The following SLC25A21 variants were observed in gnomAD, a reference collection of about 807,000 sequenced individuals.
SLC25A21 encodes the protein mitochondrial 2-oxodicarboxylate carrier.
A neutral mutation model predicts 43.8 loss-of-function variants in SLC25A21; 47 were observed. The observed-to-expected ratio is 1.07, with a 90% CI of 0.85 to 1.37. SLC25A21 has a LOEUF of 1.37. SLC25A21 is among the 40% of genes most tolerant of loss of function. The pLI is 0.00. For missense variants in SLC25A21, 352 were observed against 350.2 expected, an observed-to-expected ratio of 1.00 and a Z score of -0.04; for synonymous variants, 131 against 121.3, an observed-to-expected ratio of 1.08 and a Z score of -0.52.
intron 1 of SLC25A21, among the ~76,000 whole-genome samples, chr14:36,944,217 C>T (rs1214107615): frequency 6.6e-6 from 1 of 152,098 alleles, no homozygotes; most frequent in Non-Finnish European, 1.5e-5. Flanking sequence ...GGACCCTAGC[C>T]CAGCATACTG....
intron 7 of SLC25A21, among the ~76,000 whole-genome samples, chr14:36,705,376 G>T (rs1223236590): frequency 6.6e-6 from 1 of 151,978 alleles, no homozygotes; most frequent in African/African-American, 2.4e-5. Flanking sequence ...TTTTACGTCC[G>T]CAAACATAGC....
At chr14:36,996,575 T>C (rs1594744082) in intron 1 of SLC25A21, among the ~76,000 whole-genome samples, 1 of 152,304 alleles carries the variant, frequency 6.6e-6, no homozygotes, top group African/African-American at 2.4e-5. Context: ...ATTCTGTTTG[T>C]TCTTGATACT....
chr14:37,082,146 G>GAAAAC (rs1962400596), intron 1 of SLC25A21, among the ~76,000 whole-genome samples: 2 of 152,122 alleles, frequency 1.3e-5, no homozygotes, highest in Non-Finnish European at 2.9e-5. Context: ...AAAACCAAAT[G>GAAAAC]CAGCATGTTC....
chr14:36,732,301 T>C (rs1213606718), intron 4 of SLC25A21, among the ~76,000 whole-genome samples: 2 of 152,038 alleles, frequency 1.3e-5, no homozygotes, highest in Non-Finnish European at 2.9e-5. Flanking sequence ...TTATAATCTC[T>C]TGTGAATTTA....
At chr14:37,025,202 G>A (rs1484047622) in intron 1 of SLC25A21, among the ~76,000 whole-genome samples, 1 of 152,146 alleles carries the variant, frequency 6.6e-6, no homozygotes, top group Non-Finnish European at 1.5e-5. Context: ...AGCTTCGCCA[G>A]TTATGCATTT....
chr14:36,715,089 T>C (rs1294588560), intron 6 of SLC25A21, among the ~76,000 whole-genome samples: 1 of 152,230 alleles, frequency 6.6e-6, no homozygotes, highest in African/African-American at 2.4e-5. Context: ...CACTCATTCT[T>C]ATTGTACATA....
At chr14:36,708,603 A>G (rs1191370050) in intron 7 of SLC25A21, among the ~76,000 whole-genome samples, 1 of 152,148 alleles carries the variant, frequency 6.6e-6, no homozygotes, top group Non-Finnish European at 1.5e-5. Flanking sequence ...GCACCTGGCT[A>G]ATTTTTAAAA....
intron 1 of SLC25A21, among the ~76,000 whole-genome samples, chr14:37,134,656 A>C (rs1774035372): frequency 6.6e-6 from 1 of 151,722 alleles, no homozygotes; most frequent in African/African-American, 2.4e-5. Context: ...TCTAAAAAAA[A>C]AAAAAAAGAA....
chr14:36,891,635 CCT>C (rs1439089227), intron 1 of SLC25A21, among the ~76,000 whole-genome samples: 2 of 152,000 alleles, frequency 1.3e-5, no homozygotes, highest in East Asian at 1.9e-4. Context: ...AAATCTATTC[CCT>C]CTTTTTTTTC....
intron 2 of SLC25A21, among the ~76,000 whole-genome samples, chr14:36,872,597 A>G (rs1015883165): frequency 5.3e-5 from 8 of 152,132 alleles, no homozygotes; most frequent in African/African-American, 1.9e-4. Context: ...AGTTTACTCT[A>G]TGATTGTGAA....
intron 3 of SLC25A21, among the ~76,000 whole-genome samples, chr14:36,765,213 C>A (rs922945877): frequency 6.6e-6 from 1 of 152,190 alleles, no homozygotes; most frequent in African/African-American, 2.4e-5. Context: ...GAAGCCCAGG[C>A]TGCATGAAGA....
chr14:36,814,816 C>T (rs189999801), intron 2 of SLC25A21, among the ~76,000 whole-genome samples: 12 of 152,142 alleles, frequency 7.9e-5, no homozygotes, highest in Admixed American at 3.3e-4. Context: ...ATCCCATTAC[C>T]GGGTATATAC....
chr14:36,691,650 T>G (rs1882799114), intron 7 of SLC25A21, among the ~76,000 whole-genome samples: 3 of 152,146 alleles, frequency 2.0e-5, no homozygotes, highest in Admixed American at 2.0e-4. Context: ...AGCCAGGAGT[T>G]TGAGACCAGC....
chr14:36,858,815 T>C (rs1030031940), intron 2 of SLC25A21, among the ~76,000 whole-genome samples: 5 of 152,194 alleles, frequency 3.3e-5, no homozygotes, highest in Non-Finnish European at 7.3e-5. Context: ...AATCAAAATA[T>C]AAAACAATAG....
Position 36,678,538 on chromosome 14 carries a change from T to G in SLC25A21, c.*2120A>C. On this transcript the variant is annotated 3_prime_UTR_variant, in exon 10 of 10. Coordinates refer to ENST00000331299, the MANE Select transcript of SLC25A21 (RefSeq NM_030631.4). ...TGGAACAAAGATCCAATCCAATATT[T>G]TGGTGGAGACTTCTTTAAAACCATA... The G allele has an allele frequency of 6.5e-7, 1 of 1,536,744 alleles. No homozygotes were observed. Among genetic ancestry groups the G allele is most frequent in the Non-Finnish European group, 8.7e-7 (1 of 1,146,668 alleles).
At chr14:36,732,391 T>C (rs981404951) in intron 4 of SLC25A21, among the ~76,000 whole-genome samples, 7 of 152,102 alleles carry the variant, frequency 4.6e-5, no homozygotes, top group African/African-American at 1.7e-4. Flanking sequence ...GACTGGACCC[T>C]GAAGCCGGAA....
intron 1 of SLC25A21, among the ~76,000 whole-genome samples, chr14:36,892,346 C>T (rs1891094204): frequency 6.6e-6 from 1 of 152,056 alleles, no homozygotes; most frequent in African/African-American, 2.4e-5. Flanking sequence ...ATATTTAATG[C>T]TCCGATAATG....
At chr14:36,893,751 T>C (rs924833624) in intron 1 of SLC25A21, among the ~76,000 whole-genome samples, 8 of 152,230 alleles carry the variant, frequency 5.3e-5, no homozygotes, top group Non-Finnish European at 8.8e-5. Flanking sequence ...CAGTTTCAGC[T>C]TTCTACATAT....
intron 3 of SLC25A21, among the ~76,000 whole-genome samples, chr14:36,755,553 A>T (rs28615997): frequency 0.14 from 20,671 of 152,114 alleles, 2,008 homozygotes; most frequent in African/African-American, 0.28. Flanking sequence ...CAGCTCACAC[A>T]CTTGGATGCT....
Sources: allele counts gnomAD v4.1 joint callset (sites outside exome capture counted in the v4.1 genomes callset), GRCh38; gene constraint gnomAD v4.1.1; transcripts MANE v1.5; gene names NCBI Gene and HGNC (gene_info 2026-07-23, HGNC 2026-07-21).